RRN3: variants seen among roughly 807,000 people sequenced by gnomAD.
RRN3 encodes the protein RNA polymerase I transcription factor RRN3, also known as RNA polymerase I-specific transcription initiation factor RRN3.
A neutral mutation model predicts 82.3 loss-of-function variants in RRN3; 38 were observed. The observed-to-expected ratio is 0.46, with a 90% CI of 0.36 to 0.61. The LOEUF (loss-of-function observed/expected upper bound fraction) is 0.61, where lower values mean the gene tolerates loss of function less well. RRN3 is among the 20% of genes least tolerant of loss of function. The pLI is 0.00. For synonymous variants in RRN3, 284 were observed against 284.3 expected (o/e 1.00, Z 0.01); for missense variants, 726 against 793.1 (o/e 0.92, Z 1.02).
chr16:15,082,616 C>T (rs191237677), intron 8 of RRN3, among the ~76,000 whole-genome samples: 220 of 151,596 alleles, frequency 1.5e-3, no homozygotes, highest in African/African-American at 5.2e-3. Flanking sequence ...GAGGCTGCAG[C>T]GAGCTGAGAT....
Position 15,085,614 on chromosome 16 carries a change from A to G in RRN3, c.532+25T>C, listed in dbSNP as rs749330463. The G allele has an allele frequency of 3.8e-5, 61 of 1,607,450 alleles. No homozygotes were observed. In the African/African-American group the frequency reaches 7.2e-4, roughly 19 times the overall value. On this transcript the variant is annotated intron_variant, in intron 6 of 17. Coordinates refer to ENST00000198767, the MANE Select transcript of RRN3 (RefSeq NM_018427.5). ...ATTATGGGTGAAAGCTACTGTGCCC[A>G]GGCTTTAAACCTTTTTATACTTACT...
At chr16:15,071,944 C>T (rs1349476615) in intron 12 of RRN3, among the ~76,000 whole-genome samples, 1 of 152,160 alleles carries the variant, frequency 6.6e-6, no homozygotes, top group African/African-American at 2.4e-5. Context: ...ATGGGCACTC[C>T]TGTGAGTGCA....
At position 15,072,939 on chromosome 16, in the gene RRN3, T is replaced by C; in HGVS notation, c.1128+11A>G. 6.2e-7 allele frequency: 1 copy of C among 1,613,108 alleles called. No homozygotes were observed. The highest frequency in any genetic ancestry group is 8.5e-7 in the Non-Finnish European group (1 of 1,179,756). ...GTAAGCTAAGATAATGTTAATCACA[T>C]TCTTACTCACCAATTTGAAACTACA... is the stretch of plus-strand genomic sequence containing the variant. On this transcript the variant is annotated intron_variant, in intron 12 of 17. Coordinates refer to ENST00000198767, the MANE Select transcript of RRN3 (RefSeq NM_018427.5).
rs746484179 is a variant in RRN3, at chr16:15,086,420, C to T, written c.287G>A (p.Arg96His). ...TTTTGTCAAGTACATGATAGAAGAA[C>T]GGAATTCTAGCAGCCAGTTGATGAT... The part of the protein sequence containing the change: ...DQIINWLLEF[R>H]SSIMYLTKDF... The change falls in exon 4 of 18, where the codon CGT becomes CAT. Residue 96 changes from arginine to histidine, a missense_variant. Arg to His is a conservative substitution (Grantham distance 29). Coordinates refer to ENST00000198767, the MANE Select transcript of RRN3 (RefSeq NM_018427.5). 9.3e-6 allele frequency: 15 copies of T among 1,613,450 alleles called. No homozygotes were observed. Among genetic ancestry groups the T allele is most frequent in the East Asian group, 4.5e-5 (2 of 44,840 alleles).
At chr16:15,089,504 G>A (rs115264175) in intron 3 of RRN3, among the ~76,000 whole-genome samples, 1 of 151,996 alleles carries the variant, frequency 6.6e-6, no homozygotes, top group African/African-American at 2.4e-5. Flanking sequence ...AAATACTAGC[G>A]ATTAAAGGAT....
intron 9 of RRN3, among the ~76,000 whole-genome samples, chr16:15,078,213 T>A (rs552723043): frequency 5.3e-5 from 8 of 152,194 alleles, no homozygotes; most frequent in Non-Finnish European, 1.2e-4. Context: ...ACTGCACCAG[T>A]GAGCCCAAGC....
chr16:15,065,104 T>G (rs1311363941), intron 16 of RRN3, 115 bp downstream of exon 16: 42 of 1,050,770 alleles, frequency 4.0e-5, no homozygotes, highest in Non-Finnish European at 5.5e-5. Flanking sequence ...AGGCGGAGCT[T>G]GCGGTAAGCC....
intron 3 of RRN3, among the ~76,000 whole-genome samples, chr16:15,090,873 GTTTTT>G (rs4012873): frequency 1.6e-5 from 2 of 128,194 alleles, no homozygotes; most frequent in African/African-American, 2.9e-5. Flanking sequence ...TCAGTGGTTT[GTTTTT>G]TTTTTTTTTT....
intron 12 of RRN3, among the ~76,000 whole-genome samples, chr16:15,072,702 C>G (rs2045287728): frequency 1.3e-5 from 2 of 152,040 alleles, no homozygotes; most frequent in Non-Finnish European, 2.9e-5. Context: ...AGGGTAAGGA[C>G]TGAGAGTCCG....
intron 13 of RRN3, among the ~76,000 whole-genome samples, chr16:15,070,616 C>T (rs574903542): frequency 6.6e-6 from 1 of 152,224 alleles, no homozygotes; most frequent in Admixed American, 6.5e-5. Flanking sequence ...GTCTGGTGGA[C>T]TTCAGTATTC....
At chr16:15,091,609 A>G (rs1246713257) in intron 2 of RRN3, among the ~76,000 whole-genome samples, 1 of 152,118 alleles carries the variant, frequency 6.6e-6, no homozygotes, top group East Asian at 1.9e-4. Flanking sequence ...CTGTATTGAC[A>G]TTTGAATATA....
intron 14 of RRN3, 112 bp downstream of exon 14, chr16:15,069,958 G>A (rs1420220414): frequency 8.3e-6 from 12 of 1,449,578 alleles, no homozygotes; most frequent in Admixed American, 1.9e-5. Context: ...GAGTGCACAT[G>A]CAGTTTTCTG....
chr16:15,070,252 G>A lies in RRN3; in HGVS notation c.1262C>T (p.Thr421Ile), dbSNP rs758769238. The A allele has an allele frequency of 2.5e-6, 4 of 1,611,288 alleles. No individual in the cohort carries two copies. The South Asian group carries it at 4.4e-5, about 18-fold the overall frequency. ...LARAKFIPLI[T>I]VKSCLDLLVN... ...CAAAAGATCTAGGCATGATTTTACA[G>A]TACTAGAGAAAAGAAAAATTCAAGT... Residue 421 changes from threonine (T) to isoleucine (I), a missense_variant and splice_region_variant, in exon 14 of 18, where the codon ACT (threonine) becomes ATT (isoleucine). Physicochemically the swap from Thr to Ile is moderately conservative, Grantham distance 89. Around this residue, in one of 4 missense-constraint regions of RRN3, gnomAD observed 81 missense variants for 156.4 expected, o/e 0.52. Transcript: ENST00000198767.
chr16:15,064,546 G>A lies in RRN3; in HGVS notation c.1706+673C>T, dbSNP rs181057766. On this transcript the variant is annotated intron_variant, in intron 16 of 17. Transcript: ENST00000198767. ...CTCTAGAGGAAGGAACAAGACACTT[G>A]GCAGAAAATTATGAAGCAAGAAAAG... 9.9e-4 allele frequency among the ~76,000 whole-genome samples: 150 copies of A among 152,236 alleles called. 1 individual carries two copies. Among genetic ancestry groups the A allele is most frequent in the African/African-American group, 3.5e-3 (146 of 41,530 alleles).
chr16:15,077,634 G>C (rs1321009351), intron 9 of RRN3, among the ~76,000 whole-genome samples: 13 of 152,206 alleles, frequency 8.5e-5, no homozygotes. Flanking sequence ...GAGGTCAGGA[G>C]ATTGAGACCA....
intron 3 of RRN3, among the ~76,000 whole-genome samples, chr16:15,090,759 T>C (rs1474510097): frequency 1.3e-5 from 2 of 152,028 alleles, no homozygotes; most frequent in Admixed American, 6.5e-5. Context: ...GCCATAGTAA[T>C]AAACCATTCT....
At chr16:15,061,938 AC>A in intron 17 of RRN3, 33 bp from the exon 18 acceptor site, 1 of 1,578,394 alleles carries the variant, frequency 6.3e-7, no homozygotes, top group Non-Finnish European at 8.7e-7. Context: ...CAGTAACATC[AC>A]CAGTGCTGAC....
chr16:15,079,337 T>A (rs988105450), intron 9 of RRN3, among the ~76,000 whole-genome samples: 10 of 152,198 alleles, frequency 6.6e-5, no homozygotes, highest in African/African-American at 2.4e-4. Flanking sequence ...TTTATAATTA[T>A]AATCTGCCCT....
intron 5 of RRN3, 148 bp downstream of exon 5, chr16:15,085,981 G>T: frequency 1.5e-6 from 1 of 670,728 alleles, no homozygotes; most frequent in South Asian, 2.0e-5. Context: ...CCTCCATAGG[G>T]GTCATTACGG....
Sources: allele counts gnomAD v4.1 joint callset (sites outside exome capture counted in the v4.1 genomes callset), GRCh38; gene constraint gnomAD v4.1.1; regional missense constraint gnomAD v4.1.1; transcripts MANE v1.5; gene names NCBI Gene and HGNC (gene_info 2026-07-23, HGNC 2026-07-21).